LEPR: variants seen among roughly 807,000 people sequenced by gnomAD.
LEPR encodes the protein leptin receptor, also known as OB receptor.
LEPR carries 56 observed loss-of-function variants against 114.7 expected under a neutral mutation model. That is an observed-to-expected ratio of 0.49 (90% CI 0.39 to 0.61). The LOEUF is 0.61. Ranked by LOEUF, LEPR falls within the 20% of genes least tolerant of loss-of-function variation. The pLI is 0.00. For synonymous variants in LEPR, 443 were observed against 461.4 expected (o/e 0.96, Z 0.51); for missense variants, 1,202 against 1,352.9 (o/e 0.89, Z 1.75).
At chr1:65,455,511 TCAG>T (rs1646857062) in intron 2 of LEPR, among the ~76,000 whole-genome samples, 1 of 152,344 alleles carries the variant, frequency 6.6e-6, no homozygotes, top group East Asian at 1.9e-4. Flanking sequence ...GACAGGACCC[TCAG>T]CTGCAGGTCT....
intron 5 of LEPR, among the ~76,000 whole-genome samples, chr1:65,580,259 A>T (rs1022161780): frequency 6.6e-6 from 1 of 152,222 alleles, no homozygotes; most frequent in Admixed American, 6.5e-5. Context: ...GAGCTGGTCA[A>T]TATAGGAAGA....
intron 2 of LEPR, among the ~76,000 whole-genome samples, chr1:65,543,967 T>C (rs1312154165): frequency 2.0e-5 from 3 of 152,048 alleles, no homozygotes; most frequent in East Asian, 1.9e-4. Context: ...TTTGGTTCCA[T>C]ATGAAATTTA....
chr1:65,475,890 C>G (rs927303086), intron 2 of LEPR, among the ~76,000 whole-genome samples: 1 of 151,616 alleles, frequency 6.6e-6, no homozygotes, highest in African/African-American at 2.4e-5. Context: ...GTGGTGTGTG[C>G]CTGTAATCCC....
At chr1:65,465,424 T>C (rs568964751) in intron 2 of LEPR, among the ~76,000 whole-genome samples, 41 of 152,350 alleles carry the variant, frequency 2.7e-4, no homozygotes, top group African/African-American at 9.6e-4. Flanking sequence ...TTACATTTGC[T>C]GAGGAGTGTT....
intron 2 of LEPR, among the ~76,000 whole-genome samples, chr1:65,492,170 T>C (rs1193274827): frequency 6.6e-6 from 1 of 152,032 alleles, no homozygotes; most frequent in Admixed American, 6.6e-5. Flanking sequence ...CAAGTGGGGG[T>C]AAAAGACTCA....
chr1:65,570,895 C>G (rs1654105420), intron 4 of LEPR, 93 bp downstream of exon 4: 1 of 1,043,596 alleles, frequency 9.6e-7, no homozygotes, highest in Non-Finnish European at 1.3e-6. Context: ...ATGATTTTAA[C>G]ATACATAATC....
At chr1:65,602,408 T>C (rs1375429080) in intron 10 of LEPR, among the ~76,000 whole-genome samples, 1 of 151,964 alleles carries the variant, frequency 6.6e-6, no homozygotes, top group East Asian at 1.9e-4. Context: ...CTGAGTGAGA[T>C]TACTTAGGAA....
At chr1:65,544,703 T>TC (rs556197850) in intron 2 of LEPR, among the ~76,000 whole-genome samples, 1 of 13,790 alleles carries the variant, frequency 7.3e-5, no homozygotes, top group Non-Finnish European at 1.9e-4. Flanking sequence ...AATCATGCGG[T>TC]TTTTTTTTGC....
In LEPR at chr1:65,641,231, A is replaced by C. The variant is rs1570877243; in HGVS notation, c.*4216A>C. ...TATGAGGCTTTCTGACATATTTACT[A>C]AAAAAACCTGGAACTGAGACTGAAT... is the stretch of plus-strand genomic sequence containing the variant. On this transcript the variant is annotated 3_prime_UTR_variant, in exon 20 of 20. Transcript: ENST00000349533. The C allele has an allele frequency of 6.6e-6, 1 of 152,188 alleles. No homozygotes were observed. Among genetic ancestry groups the C allele is most frequent in the East Asian group, 1.9e-4 (1 of 5,202 alleles). 9.4% of individuals were successfully genotyped at this position (152,188 alleles called of 1,614,324 possible).
chr1:65,612,122 A>G (rs17127776), intron 14 of LEPR, among the ~76,000 whole-genome samples: 26,630 of 152,172 alleles, frequency 0.17, 2,483 homozygotes, highest in Middle Eastern at 0.24. Flanking sequence ...TTAAACCGGG[A>G]TAAGATTTGC....
chr1:65,455,286 C>T (rs375674045), intron 2 of LEPR, among the ~76,000 whole-genome samples: 14 of 152,220 alleles, frequency 9.2e-5, no homozygotes, highest in South Asian at 2.1e-4. Flanking sequence ...CTCAGCTCGT[C>T]GAAGTCATTC....
At chr1:65,479,920 A>AC (rs1451951328) in intron 2 of LEPR, among the ~76,000 whole-genome samples, 2 of 146,320 alleles carry the variant, frequency 1.4e-5, no homozygotes, top group Non-Finnish European at 3.0e-5. Flanking sequence ...AAACAAGACA[A>AC]AAAACAAACA....
chr1:65,456,877 C>T (rs951574987), intron 2 of LEPR, among the ~76,000 whole-genome samples: 2 of 152,074 alleles, frequency 1.3e-5, no homozygotes, highest in African/African-American at 4.8e-5. Flanking sequence ...TGTTCTTTGA[C>T]CCTGTTTTTG....
chr1:65,615,521 G>A (rs1189361896), intron 14 of LEPR, among the ~76,000 whole-genome samples: 2 of 152,180 alleles, frequency 1.3e-5, no homozygotes, highest in South Asian at 2.1e-4. Flanking sequence ...AGTATCAGAG[G>A]AAAGGAAAAT....
At chr1:65,621,195 T>C (rs188810200) in intron 17 of LEPR, among the ~76,000 whole-genome samples, 158 bp from the exon 18 acceptor site, 1 of 152,312 alleles carries the variant, frequency 6.6e-6, no homozygotes, top group Admixed American at 6.5e-5. Flanking sequence ...ATTAATGTGA[T>C]CACAACATAT....
chr1:65,526,691 A>T (rs1302464509), intron 2 of LEPR, among the ~76,000 whole-genome samples: 1 of 152,122 alleles, frequency 6.6e-6, no homozygotes, highest in Admixed American at 6.5e-5. Context: ...TACCTATGAC[A>T]CTGTGGTTCG....
In LEPR at chr1:65,633,392, T is replaced by C. The variant is rs1294226535; in HGVS notation, c.2674-2799T>C. On this transcript the variant is annotated intron_variant, in intron 19 of 19. Coordinates refer to ENST00000349533, the MANE Select transcript of LEPR (RefSeq NM_002303.6). The surrounding 1 kb of genome is among the most constrained non-coding windows in gnomAD (Gnocchi z 4.1). ...ATTTGAGTCCAGTTTGGATGTGTGA[T>C]TAATTTTCAAATCATCTAAAGTTTA... The C allele has an allele frequency of 7.5e-7, 1 of 1,328,106 alleles. No homozygotes were observed. Among genetic ancestry groups the C allele is most frequent in the Non-Finnish European group, 9.6e-7 (1 of 1,041,614 alleles). 82.3% of individuals were successfully genotyped at this position (1,328,106 alleles called of 1,614,324 possible).
At chr1:65,487,767 A>G (rs1212926379) in intron 2 of LEPR, among the ~76,000 whole-genome samples, 3 of 151,970 alleles carry the variant, frequency 2.0e-5, no homozygotes, top group African/African-American at 7.2e-5. Context: ...GGCACATGTG[A>G]TATTTTGATA....
chr1:65,563,602 T>G (rs1446455267), intron 2 of LEPR, among the ~76,000 whole-genome samples: 6 of 112,576 alleles, frequency 5.3e-5, no homozygotes, highest in East Asian at 2.2e-4. Flanking sequence ...GGTGAGGAAC[T>G]GCGTTCCTTT....
Sources: gnomAD v4.1 joint callset for allele counts (sites outside exome capture counted in the v4.1 genomes callset) on GRCh38, gnomAD v4.1.1 for gene constraint, Gnocchi (gnomAD v3.1) non-coding constraint, MANE v1.5 for transcripts, NCBI Gene and HGNC (gene_info 2026-07-23, HGNC 2026-07-21) for gene names.